KLHL2: variants seen among roughly 807,000 people sequenced by gnomAD.
The protein encoded by KLHL2 is kelch-like protein 2.
A neutral mutation model predicts 75.8 loss-of-function variants in KLHL2; 15 were observed. That is an observed-to-expected ratio of 0.20 (90% CI 0.13 to 0.30). The LOEUF (loss-of-function observed/expected upper bound fraction) is 0.30, where lower values mean the gene tolerates loss of function less well. Among genes scored for constraint, KLHL2 ranks in the 10% least tolerant of loss-of-function variants. KLHL2 has a pLI of 1.00. For synonymous variants in KLHL2, 214 were observed against 251.9 expected, an observed-to-expected ratio of 0.85 and a Z score of 1.42; for missense variants, 381 against 741.0, an observed-to-expected ratio of 0.51 and a Z score of 5.64.
At chr4:165,252,444 A>G (rs1256118562) in intron 4 of KLHL2, 2 of 152,094 alleles carry the variant, frequency 1.3e-5, no homozygotes, top group Non-Finnish European at 2.9e-5. Flanking sequence ...ATATAGTCTT[A>G]AAAATATTAT....
intron 8 of KLHL2, among the ~76,000 whole-genome samples, chr4:165,301,466 C>T (rs1745343764): frequency 6.6e-6 from 1 of 152,202 alleles, no homozygotes; most frequent in South Asian, 2.1e-4. Context: ...TCAGTAAGTA[C>T]ATTAGCTAGT....
At chr4:165,287,892 A>G (rs1744207712) in intron 5 of KLHL2, among the ~76,000 whole-genome samples, 1 of 152,032 alleles carries the variant, frequency 6.6e-6, no homozygotes, top group Admixed American at 6.6e-5. Context: ...GTTGTAGGAG[A>G]TATTTTTATA....
At chr4:165,226,285 A>G (rs1282444642) in intron 2 of KLHL2, among the ~76,000 whole-genome samples, 4 of 151,440 alleles carry the variant, frequency 2.6e-5, no homozygotes, top group East Asian at 1.9e-4. Context: ...CTCTGTCCCC[A>G]CTCTTCTTGG....
chr4:165,317,724 A>G, intron 13 of KLHL2, 102 bp from the exon 14 acceptor site: 1 of 879,670 alleles, frequency 1.1e-6, no homozygotes, highest in Non-Finnish European at 1.8e-6. Context: ...CCTCCTTTCA[A>G]AGAAATTAGT....
chr4:165,297,896 T>A (rs1224905872), intron 7 of KLHL2, among the ~76,000 whole-genome samples, 171 bp downstream of exon 7: 1 of 152,180 alleles, frequency 6.6e-6, no homozygotes, highest in Admixed American at 6.5e-5. Context: ...TCATCTCGGC[T>A]CTCCGCAACC....
chr4:165,219,893 T>G, intron 1 of KLHL2, 41 bp from the exon 2 acceptor site: 4 of 1,560,352 alleles, frequency 2.6e-6, no homozygotes, highest in Non-Finnish European at 3.5e-6. Flanking sequence ...TGATCTTTAA[T>G]AAGATCTTTT....
intron 4 of KLHL2, among the ~76,000 whole-genome samples, chr4:165,243,549 A>G (rs998444083): frequency 1.2e-4 from 19 of 152,280 alleles, no homozygotes; most frequent in Non-Finnish European, 1.9e-4. Flanking sequence ...GACACTTTCT[A>G]TCTCTTTAGA....
At chr4:165,278,641 A>T in intron 5 of KLHL2, 1 of 1,593,704 alleles carries the variant, frequency 6.3e-7, no homozygotes, top group Non-Finnish European at 8.6e-7. Context: ...TAATTCCAAG[A>T]TTGTCTCTTA....
intron 9 of KLHL2, 88 bp downstream of exon 9, chr4:165,305,813 T>C (rs1745686076): frequency 1.1e-6 from 1 of 936,004 alleles, no homozygotes; most frequent in African/African-American, 1.7e-5. Flanking sequence ...TAGAAAAATC[T>C]CTATCAAAAA....
At chr4:165,235,406 G>A (rs1316866978) in intron 3 of KLHL2, among the ~76,000 whole-genome samples, 3 of 152,138 alleles carry the variant, frequency 2.0e-5, no homozygotes, top group Non-Finnish European at 4.4e-5. Context: ...TCGCCATGTT[G>A]GCCAGGCTGG....
At chr4:165,281,090 A>G (rs1743633014) in intron 5 of KLHL2, among the ~76,000 whole-genome samples, 1 of 152,150 alleles carries the variant, frequency 6.6e-6, no homozygotes, top group Admixed American at 6.6e-5. Flanking sequence ...TCACTATTCA[A>G]ATGGGACTTT....
At chr4:165,237,730 AG>A (rs1157611871) in intron 3 of KLHL2, among the ~76,000 whole-genome samples, 6 of 152,222 alleles carry the variant, frequency 3.9e-5, no homozygotes, top group Non-Finnish European at 8.8e-5. Context: ...GGTGATGAAT[AG>A]TGGCACGTTC....
chr4:165,266,574 G>A (rs1742258743), intron 5 of KLHL2, among the ~76,000 whole-genome samples: 1 of 152,154 alleles, frequency 6.6e-6, no homozygotes, highest in Non-Finnish European at 1.5e-5. Flanking sequence ...TATTAAATAG[G>A]GAGTCCTTTC....
At chr4:165,237,438 G>A (rs1739444092) in intron 3 of KLHL2, among the ~76,000 whole-genome samples, 1 of 150,124 alleles carries the variant, frequency 6.7e-6, no homozygotes, top group Non-Finnish European at 1.5e-5. Flanking sequence ...GGAAGTAGCA[G>A]GGTAGTTTTT....
Position 165,264,719 on chromosome 4 carries a change from T to C in KLHL2, c.544+1360T>C, listed in dbSNP as rs1272083058. The stretch of plus-strand genomic sequence containing the variant: ...GTGTGTGTGTGTATATATATATATA[T>C]ACATATATATATATATATATGTATA... On this transcript the variant is annotated intron_variant, in intron 5 of 14. Transcript: ENST00000226725. 3.1e-4 allele frequency among the ~76,000 whole-genome samples: 24 copies of C among 78,226 alleles called. No homozygotes were observed. The South Asian group carries it at 4.9e-3, about 16-fold the overall frequency. 51.3% of individuals were successfully genotyped at this position (78,226 alleles called of 152,430 possible).
At position 165,220,971 on chromosome 4, in the gene KLHL2, G is replaced by A. The variant is rs751982834; in HGVS notation, c.152+912G>A. Among the ~76,000 whole-genome samples, 7 of 150,738 alleles carry A rather than the reference G, an allele frequency of 4.6e-5. No individual in the cohort carries two copies. In the South Asian group the frequency reaches 8.4e-4, roughly 18 times the overall value. The stretch of plus-strand genomic sequence containing the variant: ...AAGATCTGCTTTTTCCCAGCATTCC[G>A]TTTGTGAAAGTACTCTACGTATATC... On this transcript the variant is annotated intron_variant, in intron 2 of 14. Transcript: ENST00000226725.
rs185717452 is a variant in KLHL2 at position 165,244,704 on chromosome 4, T to G, written c.381+5805T>G. 8.6e-3 allele frequency among the ~76,000 whole-genome samples: 1,313 copies of G among 152,186 alleles called. 14 individuals carry two copies. Among genetic ancestry groups the G allele is most frequent in the Admixed American group, 0.032 (489 of 15,304 alleles). ...TAATGAATAGAGTATATACTTAGAC[T>G]GGGTTTGGATCTTGGCTTTGCTGTT... On this transcript the variant is annotated intron_variant, in intron 4 of 14. Coordinates refer to ENST00000226725, the MANE Select transcript of KLHL2 (RefSeq NM_007246.4).
chr4:165,308,806 T>G (rs540432469), intron 9 of KLHL2, among the ~76,000 whole-genome samples: 11 of 152,212 alleles, frequency 7.2e-5, no homozygotes, highest in Non-Finnish European at 1.6e-4. Context: ...TGAAACATGC[T>G]GCCTGGTATG....
At chr4:165,290,410 C>T (rs954823226) in intron 5 of KLHL2, among the ~76,000 whole-genome samples, 2 of 152,140 alleles carry the variant, frequency 1.3e-5, no homozygotes, top group African/African-American at 4.8e-5. Flanking sequence ...TCTGGGATTA[C>T]AGGCGTGAGC....
Sources: allele counts gnomAD v4.1 joint callset (sites outside exome capture counted in the v4.1 genomes callset), GRCh38; gene constraint gnomAD v4.1.1; transcripts MANE v1.5; gene names NCBI Gene and HGNC (gene_info 2026-07-23, HGNC 2026-07-21).